Variants in SUMF2 observed in about 807,000 individuals in gnomAD.
SUMF2 encodes the protein sulfatase modifying factor 2.
SUMF2 carries 45 observed loss-of-function variants against 44.8 expected under a neutral mutation model. That is an observed-to-expected ratio of 1.00 (90% confidence interval 0.79 to 1.29). The LOEUF (loss-of-function observed/expected upper bound fraction) is 1.29, where lower values mean the gene tolerates loss of function less well. Among genes scored for constraint, SUMF2 ranks in the 50% most tolerant of loss-of-function variants. The pLI, the probability that SUMF2 is intolerant of heterozygous loss-of-function variation, is 0.00. For synonymous variants in SUMF2, 148 were observed against 150.4 expected (o/e 0.98, Z 0.12); for missense variants, 418 against 389.9 (o/e 1.07, Z -0.61).
In SUMF2 at chr7:56,078,180, A is replaced by G; in HGVS notation, c.670A>G (p.Asn224Asp). ...AGTGAATGCTTTCCCCGCCCAGAACAACTACGGTAAGAGCTGTCTTGGGCT... is the reference window on the plus strand; with the variant it reads ...AGTGAATGCTTTCCCCGCCCAGAACGACTACGGTAAGAGCTGTCTTGGGCT... The part of the protein sequence containing the change: ...SPVNAFPAQN[N>D]YGLYDLLGNV... Residue 224 changes from asparagine (N) to aspartate (D), a missense_variant, in exon 7 of 9, where the codon AAC (asparagine) becomes GAC (aspartate). Coordinates refer to ENST00000434526, the MANE Select transcript of SUMF2 (RefSeq NM_015411.4). 6.2e-7 allele frequency: 1 copy of G among 1,611,178 alleles called. No individual in the cohort carries two copies. Among genetic ancestry groups the G allele is most frequent in the South Asian group, 1.1e-5 (1 of 91,002 alleles).
chr7:56,078,209 G>A (rs368248567), intron 7 of SUMF2, 23 bp downstream of exon 7: 13 of 1,600,732 alleles, frequency 8.1e-6, no homozygotes, highest in South Asian at 4.4e-5. Context: ...TTGGGCTTGC[G>A]GCTGTGCCCA....
chr7:56,086,571 C>T, the SUMF2 span, among the ~76,000 whole-genome samples: 1 of 151,388 alleles, frequency 6.6e-6, no homozygotes, highest in African/African-American at 2.4e-5. Context: ...TCACTTCAAC[C>T]TCCGCCTCCT....
chr7:56,082,039 T>C (rs538193071), downstream of SUMF2: 35 of 1,612,786 alleles, frequency 2.2e-5, no homozygotes, highest in Non-Finnish European at 2.9e-5. Context: ...ATGACGCCAG[T>C]GCTCCACCTG....
At position 56,074,468 on chromosome 7, in the gene SUMF2, C is replaced by T; in HGVS notation, c.385-118C>T. On this transcript the variant is annotated intron_variant, in intron 4 of 8. Coordinates refer to ENST00000434526, the MANE Select transcript of SUMF2 (RefSeq NM_015411.4). Reference sequence around the variant, plus strand: ...CCGACCACTGGTCACTCACCCGGCTCTCTTCCAGCTCTCTTGCTCCATCTA... The same window carrying T: ...CCGACCACTGGTCACTCACCCGGCTTTCTTCCAGCTCTCTTGCTCCATCTA... 3.6e-6 allele frequency: 5 copies of T among 1,371,830 alleles called. No homozygotes were observed. The South Asian group carries it at 7.0e-5, about 19-fold the overall frequency. 85.0% of individuals were successfully genotyped at this position (1,371,830 alleles called of 1,614,324 possible).
chr7:56,072,997 G>A lies in SUMF2; in HGVS notation c.225G>A (p.Arg75=). The A allele has an allele frequency of 6.2e-7, 1 of 1,613,148 alleles. No individual in the cohort carries two copies. The highest frequency in any genetic ancestry group is 1.3e-5 in the African/African-American group (1 of 74,976). The change falls in exon 3 of 9, where the codon AGG becomes AGA. Residue 75 remains arginine, a splice_region_variant and synonymous_variant. Coordinates refer to ENST00000434526, the MANE Select transcript of SUMF2 (RefSeq NM_015411.4). ...DIFPVTNKDF[R]DFVREKKYRT... The stretch of plus-strand genomic sequence containing the variant: ...AACCAGCTGAACTATGTCTTTATAG[G>A]GATTTTGTCAGGGAGAAAAAGTATC...
chr7:56,079,107 C>G (rs1795793947), intron 8 of SUMF2: 5 of 490,252 alleles, frequency 1.0e-5, no homozygotes, highest in Non-Finnish European at 1.8e-5. Context: ...CTCCTGGACT[C>G]AAGCAATCAG....
At chr7:56,070,097 C>G (rs1251370448) in intron 2 of SUMF2, among the ~76,000 whole-genome samples, 1 of 151,932 alleles carries the variant, frequency 6.6e-6, no homozygotes, top group African/African-American at 2.4e-5. Context: ...TTAGTAGAGA[C>G]AGGGTTTCTC....
At chr7:56,077,012 T>A in intron 6 of SUMF2, 123 bp downstream of exon 6, 1 of 810,804 alleles carries the variant, frequency 1.2e-6, no homozygotes, top group Non-Finnish European at 1.9e-6. Flanking sequence ...ACTCATAAGC[T>A]GGTAAAGCAA....
intron 4 of SUMF2, 164 bp from the exon 5 acceptor site, chr7:56,074,422 T>G: frequency 9.6e-7 from 1 of 1,045,650 alleles, no homozygotes; most frequent in Non-Finnish European, 1.4e-6. Flanking sequence ...TTCAGCCTCC[T>G]GTAGTCTCTT....
At position 56,073,076 on chromosome 7, in the gene SUMF2, G is replaced by A; in HGVS notation, c.304G>A (p.Asp102Asn). 1 of 1,614,140 alleles carries A rather than the reference G, an allele frequency of 6.2e-7. No individual in the cohort carries two copies. Among genetic ancestry groups the A allele is most frequent in the Non-Finnish European group, 8.5e-7 (1 of 1,180,012 alleles). Residue 102 changes from aspartate (D) to asparagine (N), a missense_variant, in exon 3 of 9, where the codon GAT becomes AAT. By Grantham distance (23) the Asp-to-Asn change is conservative. Coordinates refer to ENST00000434526, the MANE Select transcript of SUMF2 (RefSeq NM_015411.4). ...WSFVFEDFVS[D>N]ELRNKATQPM... ...CTTTGTCTTTGAGGACTTTGTCTCT[G>A]ATGAGCTGAGAAACAAAGCCACCCA...
Position 56,068,574 on chromosome 7 carries a change from G to C in SUMF2, c.160G>C (p.Val54Leu). 6.2e-7 allele frequency: 1 copy of C among 1,614,016 alleles called. No homozygotes were observed. Among genetic ancestry groups the C allele is most frequent in the Non-Finnish European group, 8.5e-7 (1 of 1,179,966 alleles). Residue 54 changes from valine to leucine, a missense_variant, in exon 2 of 9, where the codon GTG (valine) becomes CTG (leucine). Physicochemically the swap from Val to Leu is conservative, Grantham distance 32 (BLOSUM62 1). Coordinates refer to ENST00000434526, the MANE Select transcript of SUMF2 (RefSeq NM_015411.4). ...AGACAGCAGAGATGGTGACGGGCCT[G>C]TGCGGGAGGCGACAGTGAAACCCTT... Reference protein sequence around the residue: ...SPDSRDGDGPVREATVKPFAI... With the variant: ...SPDSRDGDGPLREATVKPFAI...
chr7:56,087,059 A>C, the SUMF2 span: 2 of 1,575,194 alleles, frequency 1.3e-6, no homozygotes, highest in Non-Finnish European at 1.7e-6. Flanking sequence ...CTCAAGTAGC[A>C]GGGGAGCCCA....
At chr7:56,067,493 C>G (rs1017021838) in intron 1 of SUMF2, among the ~76,000 whole-genome samples, 1 of 152,000 alleles carries the variant, frequency 6.6e-6, no homozygotes, top group African/African-American at 2.4e-5. Flanking sequence ...ATTGATACAG[C>G]TGCTACCTAA....
Position 56,074,693 on chromosome 7 carries a change from C to G in SUMF2, c.492C>G (p.Pro164=), listed in dbSNP as rs1236445068. ...GTGCTTGGCGGGGAAAACGACTGCCCACGGAGGAAGAGTGGGAGTTTGCCG... is the reference window on the plus strand; with the variant it reads ...GTGCTTGGCGGGGAAAACGACTGCCGACGGAGGAAGAGTGGGAGTTTGCCG... The part of the protein sequence containing the change: ...AYCAWRGKRL[P]TEEEWEFAAR... Residue 164 remains proline, a synonymous_variant, in exon 5 of 9, where the codon CCC becomes CCG. Coordinates refer to ENST00000434526, the MANE Select transcript of SUMF2 (RefSeq NM_015411.4). 11 of 1,614,022 alleles carry G rather than the reference C, an allele frequency of 6.8e-6. No homozygotes were observed. Among genetic ancestry groups the G allele is most frequent in the Non-Finnish European group, 9.3e-6 (11 of 1,180,040 alleles).
intron 1 of SUMF2, among the ~76,000 whole-genome samples, chr7:56,066,855 G>A (rs1794837736): frequency 6.6e-6 from 1 of 152,140 alleles, no homozygotes; most frequent in Non-Finnish European, 1.5e-5. Context: ...CCTGACCTCA[G>A]GTAATCTGCC....
chr7:56,083,794 C>A, downstream of SUMF2: 1 of 985,100 alleles, frequency 1.0e-6, no homozygotes, highest in Middle Eastern at 2.0e-4. Context: ...GAGCTGCCTT[C>A]CACCCTGATA....
chr7:56,079,937 T>A lies in SUMF2; in HGVS notation c.*325T>A. On this transcript the variant is annotated 3_prime_UTR_variant, in exon 9 of 9. Coordinates refer to ENST00000434526, the MANE Select transcript of SUMF2 (RefSeq NM_015411.4). Reference sequence around the variant, plus strand: ...CTGAAAGGCCATTTTTTAAGCATTTTAAAATCTATTCTCTCCCCCTTTCTC... The same window carrying A: ...CTGAAAGGCCATTTTTTAAGCATTTAAAAATCTATTCTCTCCCCCTTTCTC... 3.7e-6 allele frequency: 5 copies of A among 1,335,604 alleles called. No homozygotes were observed. The highest frequency in any genetic ancestry group is 5.5e-5 in the Admixed American group (2 of 36,266). 82.7% of individuals were successfully genotyped at this position (1,335,604 alleles called of 1,614,324 possible).
chr7:56,074,971 G>A (rs551001363), intron 5 of SUMF2, among the ~76,000 whole-genome samples: 3 of 152,124 alleles, frequency 2.0e-5, no homozygotes, highest in Non-Finnish European at 4.4e-5. Context: ...GGTGGCATGT[G>A]CCTGTAGTCC....
intron 5 of SUMF2, among the ~76,000 whole-genome samples, chr7:56,076,028 A>ATTT (rs71015183): frequency 7.2e-5 from 9 of 125,356 alleles, no homozygotes; most frequent in Non-Finnish European, 1.2e-4. Context: ...ATGCCCGGCT[A>ATTT]TTTTTTTTTT....
Sources: allele counts gnomAD v4.1 joint callset (sites outside exome capture counted in the v4.1 genomes callset), GRCh38; gene constraint gnomAD v4.1.1; transcripts MANE v1.5; gene names NCBI Gene and HGNC (gene_info 2026-07-23, HGNC 2026-07-21).